Variants in VGLL4 observed in about 807,000 individuals in gnomAD.
VGLL4 encodes the protein vestigial like family member 4.
VGLL4 carries 7 observed loss-of-function variants against 21.0 expected under a neutral mutation model. The ratio of observed to expected loss-of-function variants is 0.33; its 90% CI spans 0.19 to 0.63. The LOEUF (loss-of-function observed/expected upper bound fraction) is 0.63, where lower values mean the gene tolerates loss of function less well. Among genes scored for constraint, VGLL4 ranks in the 20% least tolerant of loss-of-function variants. VGLL4 has a pLI of 0.78. For synonymous variants in VGLL4, 222 were observed against 173.2 expected (o/e 1.28, Z -2.21); for missense variants, 394 against 425.7 (o/e 0.93, Z 0.66).
intron 2 of VGLL4, among the ~76,000 whole-genome samples, chr3:11,596,287 A>G (rs1172036482): frequency 6.6e-6 from 1 of 151,934 alleles, no homozygotes; most frequent in Non-Finnish European, 1.5e-5. Context: ...TTCAAATAAT[A>G]CAACAATACT....
chr3:11,707,034 C>T (rs890664269), intron 1 of VGLL4, among the ~76,000 whole-genome samples: 1 of 151,940 alleles, frequency 6.6e-6, no homozygotes, highest in Admixed American at 6.6e-5. Context: ...AAGTTCCATG[C>T]GTCTAGGCAT....
intron 1 of VGLL4, among the ~76,000 whole-genome samples, chr3:11,638,037 A>G (rs967157835): frequency 3.3e-5 from 5 of 152,224 alleles, no homozygotes; most frequent in African/African-American, 1.2e-4. Context: ...CTGTTTTTAT[A>G]TATTTGTGTA....
chr3:11,692,449 T>A (rs969628327), intron 2 of VGLL4, among the ~76,000 whole-genome samples: 3 of 152,160 alleles, frequency 2.0e-5, no homozygotes. Context: ...AATAGACTAC[T>A]GGGAGATGGT....
chr3:11,656,994 C>G (rs2075968439), intron 2 of VGLL4, among the ~76,000 whole-genome samples: 1 of 152,146 alleles, frequency 6.6e-6, no homozygotes, highest in African/African-American at 2.4e-5. Context: ...GTAAGGAAGG[C>G]CAGCCTGGAG....
At position 11,643,613 on chromosome 3, in the gene VGLL4, A is replaced by C; in HGVS notation, c.-95T>G. 6.3e-7 allele frequency: 1 copy of C among 1,587,084 alleles called. No individual in the cohort carries two copies. The highest frequency in any genetic ancestry group is 8.6e-7 in the Non-Finnish European group (1 of 1,169,520). On this transcript the variant is annotated 5_prime_UTR_variant, in exon 1 of 5. Transcript: ENST00000430365. ...GTTGCTGAGTAGCTCCTGGCTCTTC[A>C]ACTTCACAAAGGCAGAGGCCCAGCC... is the stretch of plus-strand genomic sequence containing the variant.
intron 1 of VGLL4, among the ~76,000 whole-genome samples, chr3:11,616,062 G>A (rs1458914616): frequency 6.6e-6 from 1 of 152,000 alleles, no homozygotes; most frequent in Admixed American, 6.5e-5. Flanking sequence ...TGGATTGCCG[G>A]AGTAAAGGCT....
At chr3:11,718,158 G>A (rs1390191416) in intron 1 of VGLL4, among the ~76,000 whole-genome samples, 3 of 152,156 alleles carry the variant, frequency 2.0e-5, no homozygotes, top group Admixed American at 2.0e-4. Flanking sequence ...CGGTGGCCGG[G>A]GAAATTAGCC....
At position 11,643,441 on chromosome 3, in the gene VGLL4, G is replaced by A. The variant is rs751165618; in HGVS notation, c.78C>T (p.Tyr26=). 4.3e-6 allele frequency: 7 copies of A among 1,613,866 alleles called. No individual in the cohort carries two copies. Among genetic ancestry groups the A allele is most frequent in the Non-Finnish European group, 5.9e-6 (7 of 1,179,904 alleles). The change falls in exon 1 of 5, where the codon TAC becomes TAT. Residue 26 remains tyrosine, a synonymous_variant. Coordinates refer to ENST00000430365, the MANE Select transcript of VGLL4 (RefSeq NM_001128219.3). ...KMNNNIGILC[Y]EGEAALRGEP... The stretch of plus-strand genomic sequence containing the variant: ...ATTCTACAACGGGACATCTACCTTC[G>A]TAGCACAGAATGCCGATATTGTTGT...
upstream of VGLL4, chr3:11,643,977 C>T (rs2075747122): frequency 1.0e-6 from 1 of 990,440 alleles, no homozygotes; most frequent in Non-Finnish European, 1.2e-6. Flanking sequence ...ATGCTCACTG[C>T]GCCGCGCTGC....
chr3:11,661,349 G>T (rs2076034837), intron 2 of VGLL4, among the ~76,000 whole-genome samples: 1 of 152,126 alleles, frequency 6.6e-6, no homozygotes, highest in South Asian at 2.1e-4. Flanking sequence ...AAGGAATATT[G>T]CCAAGAAAAG....
chr3:11,607,991 C>T (rs1384288027), intron 1 of VGLL4, among the ~76,000 whole-genome samples: 1 of 152,162 alleles, frequency 6.6e-6, no homozygotes, highest in Non-Finnish European at 1.5e-5. Context: ...GAAATGTATA[C>T]AGACCCTGAC....
chr3:11,560,777 A>G (rs1444396798), intron 3 of VGLL4, among the ~76,000 whole-genome samples: 1 of 152,176 alleles, frequency 6.6e-6, no homozygotes. Context: ...AGAGCTGCCC[A>G]GGGTTCGTAC....
chr3:11,704,398 A>G (rs199742393), intron 1 of VGLL4, among the ~76,000 whole-genome samples: 4,285 of 147,702 alleles, frequency 0.029, 223 homozygotes, highest in East Asian at 0.17. Context: ...AAAAAAAAAA[A>G]AAAAAAAGAA....
intron 1 of VGLL4, among the ~76,000 whole-genome samples, chr3:11,642,077 G>T (rs976972591): frequency 1.3e-5 from 2 of 151,556 alleles, no homozygotes; most frequent in African/African-American, 4.9e-5. Flanking sequence ...TGAATGTCAC[G>T]GGAAACAAGC....
intron 2 of VGLL4, among the ~76,000 whole-genome samples, chr3:11,657,170 G>T (rs1189259719): frequency 1.3e-5 from 2 of 152,138 alleles, no homozygotes; most frequent in African/African-American, 4.8e-5. Context: ...AAGCTTGGAT[G>T]TCCATCTCGG....
intron 1 of VGLL4, among the ~76,000 whole-genome samples, chr3:11,713,564 TTATTTATATATA>T (rs2076878320): frequency 1.5e-5 from 1 of 64,522 alleles, no homozygotes. Flanking sequence ...TGTATATATA[TTATTTATATATA>T]TATATATATA....
In VGLL4 at chr3:11,631,230, C is replaced by T. The variant is rs574055805; in HGVS notation, c.82+12207G>A. Among the ~76,000 whole-genome samples the T allele has an allele frequency of 5.3e-5, 8 of 152,026 alleles. No individual in the cohort carries two copies. In the South Asian group the frequency reaches 8.4e-4, roughly 16 times the overall value. On this transcript the variant is annotated intron_variant, in intron 1 of 4. Transcript: ENST00000430365. The stretch of plus-strand genomic sequence containing the variant: ...GTGCGTACTGACTGGTAAGGAAGCT[C>T]GAGGAGGCTCAGGGGCGATGAGAAT...
At chr3:11,572,452 G>C (rs533346098) in intron 2 of VGLL4, among the ~76,000 whole-genome samples, 3 of 152,080 alleles carry the variant, frequency 2.0e-5, no homozygotes, top group Non-Finnish European at 4.4e-5. Flanking sequence ...TATTTGCTTC[G>C]GGCCTTTTCT....
chr3:11,706,407 T>G (rs1247804883), intron 1 of VGLL4, among the ~76,000 whole-genome samples: 1 of 152,218 alleles, frequency 6.6e-6, no homozygotes, highest in African/African-American at 2.4e-5. Flanking sequence ...GATCTCTGCT[T>G]TCAAGGAGTC....
Sources: gnomAD v4.1 joint callset for allele counts (sites outside exome capture counted in the v4.1 genomes callset) on GRCh38, gnomAD v4.1.1 for gene constraint, MANE v1.5 for transcripts, NCBI Gene and HGNC (gene_info 2026-07-23, HGNC 2026-07-21) for gene names.